The following GKN2 variants were observed in gnomAD, a reference collection of about 807,000 sequenced individuals.
GKN2 encodes the protein gastrokine 2, also known as gastrokine-2.
GKN2 carries 17 observed loss-of-function variants against 22.7 expected under a neutral mutation model. The observed-to-expected ratio is 0.75, with a 90% confidence interval of 0.51 to 1.13. GKN2 has a LOEUF of 1.13. Among genes scored for constraint, GKN2 ranks in the 50% most tolerant of loss-of-function variants. GKN2 has a pLI of 0.00. For missense variants in GKN2, 248 were observed against 221.4 expected (o/e 1.12, Z -0.76); for synonymous variants, 82 against 79.6 (o/e 1.03, Z -0.16).
chr2:68,945,667 T>C (rs1216260003), intron 5 of GKN2: 11 of 419,996 alleles, frequency 2.6e-5, no homozygotes, highest in Non-Finnish European at 1.3e-5. Context: ...GGGCAGTAGA[T>C]ATATAATAAA....
intron 4 of GKN2, 106 bp from the exon 5 acceptor site, chr2:68,946,566 A>G (rs2103888658): frequency 1.1e-6 from 1 of 924,852 alleles, no homozygotes; most frequent in East Asian, 2.6e-5. Context: ...TTAAATAGAA[A>G]GAACTTAGGG....
Position 68,946,409 on chromosome 2 carries a change from G to C in GKN2, c.367C>G (p.Leu123Val), listed in dbSNP as rs1475146432. 1 of 1,613,852 alleles carries C rather than the reference G, an allele frequency of 6.2e-7. No homozygotes were observed. Among genetic ancestry groups the C allele is most frequent in the Middle Eastern group, 1.6e-4 (1 of 6,062 alleles). Reference sequence around the variant, plus strand: ...TCCACGTCTTTGATCAGAGACTCCAGAGGGTTGTACTTGACCCAGGTGTAT... The same window carrying C: ...TCCACGTCTTTGATCAGAGACTCCACAGGGTTGTACTTGACCCAGGTGTAT... ...SKYTWVKYNP[L>V]ESLIKDVDWF... Residue 123 changes from leucine to valine, a missense_variant, in exon 5 of 6, where the codon CTG becomes GTG. Physicochemically the swap from Leu to Val is conservative, Grantham distance 32. Transcript: ENST00000328895.
At chr2:68,951,435 T>C (rs1043339863) in intron 1 of GKN2, among the ~76,000 whole-genome samples, 2 of 152,248 alleles carry the variant, frequency 1.3e-5, no homozygotes, top group Non-Finnish European at 2.9e-5. Flanking sequence ...TAAGAGTCTG[T>C]TCCAACATGC....
chr2:68,949,371 G>A (rs1037139791), intron 3 of GKN2, among the ~76,000 whole-genome samples: 4 of 152,016 alleles, frequency 2.6e-5, no homozygotes, highest in Admixed American at 2.6e-4. Flanking sequence ...CTGCTATGTT[G>A]TGATTGCTTT....
intron 5 of GKN2, chr2:68,945,658 G>A: frequency 2.3e-6 from 1 of 434,934 alleles, no homozygotes; most frequent in Non-Finnish European, 4.2e-6. Flanking sequence ...TTTTTTTCTG[G>A]GCAGTAGATA....
intron 4 of GKN2, among the ~76,000 whole-genome samples, chr2:68,946,780 T>C (rs1239006392): frequency 6.6e-6 from 1 of 152,186 alleles, no homozygotes; most frequent in Non-Finnish European, 1.5e-5. Flanking sequence ...TTCACTCAAC[T>C]GTATTATTTC....
intron 3 of GKN2, among the ~76,000 whole-genome samples, chr2:68,949,064 T>A (rs578032638): frequency 7.2e-5 from 11 of 152,304 alleles, no homozygotes; most frequent in Non-Finnish European, 1.5e-4. Context: ...CAGAAAATCA[T>A]GTTCAAAAGT....
intron 5 of GKN2, chr2:68,946,037 T>C (rs1048633182): frequency 1.2e-5 from 5 of 412,114 alleles, no homozygotes; most frequent in African/African-American, 2.0e-5. Context: ...TAGTTTTTCA[T>C]TGGCATCCAG....
intron 3 of GKN2, among the ~76,000 whole-genome samples, chr2:68,949,078 G>A (rs369238999): frequency 8.6e-4 from 131 of 152,332 alleles, no homozygotes; most frequent in African/African-American, 3.0e-3. Context: ...CAAAAGTCTA[G>A]TGAGATGAGC....
chr2:68,950,908 C>T (rs1165921566), intron 1 of GKN2, among the ~76,000 whole-genome samples, 153 bp from the exon 2 acceptor site: 1 of 152,206 alleles, frequency 6.6e-6, no homozygotes, highest in East Asian at 1.9e-4. Context: ...CCTTTCCACG[C>T]ACACATTGAT....
At chr2:68,950,779 C>A in intron 1 of GKN2, 24 bp from the exon 2 acceptor site, 1 of 1,612,928 alleles carries the variant, frequency 6.2e-7, no homozygotes, top group Non-Finnish European at 8.5e-7. Flanking sequence ...CCACCACATC[C>A]ATTCTTTATA....
At chr2:68,947,442 A>G (rs1669786349) in intron 3 of GKN2, among the ~76,000 whole-genome samples, 185 bp from the exon 4 acceptor site, 1 of 152,120 alleles carries the variant, frequency 6.6e-6, no homozygotes, top group Non-Finnish European at 1.5e-5. Flanking sequence ...TCATTTTTTC[A>G]CTTGTCATTT....
intron 3 of GKN2, among the ~76,000 whole-genome samples, chr2:68,948,171 G>A (rs1489050598): frequency 2.0e-5 from 3 of 151,052 alleles, no homozygotes; most frequent in Non-Finnish European, 4.4e-5. Flanking sequence ...GCATGAACCC[G>A]GGAGGTGGAG....
Position 68,947,164 on chromosome 2 carries a change from A to G in GKN2, c.298T>C (p.Tyr100His). ...AGAATTACCTGTTTCTCATAGATGTACCATTGGAGATTGTTCAGAGGAGGG... is the reference window on the plus strand; with the variant it reads ...AGAATTACCTGTTTCTCATAGATGTGCCATTGGAGATTGTTCAGAGGAGGG... ...NIPPLNNLQW[Y>H]IYEKQALDNM... The change falls in exon 4 of 6, where the codon TAC becomes CAC. Residue 100 changes from tyrosine to histidine, a missense_variant. Physicochemically the swap from Tyr to His is moderately conservative, Grantham distance 83. Transcript: ENST00000328895. The G allele has an allele frequency of 9.9e-6, 16 of 1,609,978 alleles. No individual in the cohort carries two copies. The highest frequency in any genetic ancestry group is 1.4e-5 in the Non-Finnish European group (16 of 1,176,232).
Position 68,946,437 on chromosome 2 carries a change from G to T in GKN2, c.339C>A (p.Ser113Arg), listed in dbSNP as rs755808638. The T allele has an allele frequency of 5.6e-6, 9 of 1,610,610 alleles. No homozygotes were observed. Among genetic ancestry groups the T allele is most frequent in the South Asian group, 3.3e-5 (3 of 90,224 alleles). Residue 113 changes from serine to arginine, a missense_variant, in exon 5 of 6, where the codon AGC (serine) becomes AGA (arginine). Transcript: ENST00000328895. ...EKQALDNMFS[S>R]KYTWVKYNPL... is the part of the protein sequence containing the mutation. The stretch of plus-strand genomic sequence containing the variant: ...GGTTGTACTTGACCCAGGTGTATTT[G>T]CTGGAGAACATGTTGTCCAGAGCCT...
At chr2:68,950,104 T>C in intron 3 of GKN2, 22 bp downstream of exon 3, 1 of 1,610,330 alleles carries the variant, frequency 6.2e-7, no homozygotes, top group Non-Finnish European at 8.5e-7. Context: ...CTGATGAATA[T>C]GAAAATTCAT....
At chr2:68,951,659 GCATCTAACAAAGACCTGTGTGCTGATATT>G (rs1450980562) in intron 1 of GKN2, among the ~76,000 whole-genome samples, 2 of 152,176 alleles carry the variant, frequency 1.3e-5, no homozygotes, top group African/African-American at 4.8e-5. Context: ...TGGGAGTAGA[GCATCTAACAAAGACCTGTGTGCTGATATT>G]CAGCCTTCCA....
rs752352528 is a variant in GKN2, at chr2:68,950,204, A to G, written c.126T>C (p.Ile42=). 37 of 1,613,898 alleles carry G rather than the reference A, an allele frequency of 2.3e-5. 2 individuals carry two copies. In the South Asian group the frequency reaches 4.1e-4, roughly 18 times the overall value. The change falls in exon 3 of 6, where the codon ATT becomes ATC. Residue 42 remains isoleucine (I), a synonymous_variant. Transcript: ENST00000328895. The stretch of plus-strand genomic sequence containing the variant: ...TGATGGCGGTATTTTTTTCATTATC[A>G]ATTGTCACTGTCTCCTGAACATTGC... ...NGGNVQETVT[I]DNEKNTAIIN...
chr2:68,952,580 T>A (rs116894187), intron 1 of GKN2, among the ~76,000 whole-genome samples: 1,690 of 152,306 alleles, frequency 0.011, 59 homozygotes, highest in East Asian at 0.11. Flanking sequence ...AAAGGATTAT[T>A]ATTAAACATC....
Sources: gnomAD v4.1 joint callset for allele counts (sites outside exome capture counted in the v4.1 genomes callset) on GRCh38, gnomAD v4.1.1 for gene constraint, MANE v1.5 for transcripts, NCBI Gene and HGNC (gene_info 2026-07-23, HGNC 2026-07-21) for gene names.